Variants in PHF14 observed in about 807,000 individuals in gnomAD.
The protein encoded by PHF14 is PHD finger protein 14.
PHF14 carries 55 observed loss-of-function variants against 117.9 expected under a neutral mutation model. The ratio of observed to expected loss-of-function variants is 0.47; its 90% CI spans 0.38 to 0.58. PHF14 has a LOEUF of 0.58. Among genes scored for constraint, PHF14 ranks in the 20% least tolerant of loss-of-function variants. The pLI, the probability that PHF14 is intolerant of heterozygous loss-of-function variation, is 0.00. For missense variants in PHF14, 978 were observed against 1,122.2 expected, an observed-to-expected ratio of 0.87 and a Z score of 1.84; for synonymous variants, 409 against 368.6, an observed-to-expected ratio of 1.11 and a Z score of -1.26.
intron 17 of PHF14, among the ~76,000 whole-genome samples, chr7:11,132,465 A>G (rs1788117412): frequency 6.6e-6 from 1 of 151,702 alleles, no homozygotes; most frequent in Admixed American, 6.6e-5. Flanking sequence ...TCTCATTTAT[A>G]TACCACAATT....
intron 7 of PHF14, among the ~76,000 whole-genome samples, chr7:11,035,035 A>C (rs1784266552): frequency 6.6e-6 from 1 of 152,106 alleles, no homozygotes; most frequent in Non-Finnish European, 1.5e-5. Context: ...TGACTTTTTA[A>C]AAAAATACAG....
intron 6 of PHF14, among the ~76,000 whole-genome samples, chr7:11,023,978 G>A (rs1783824413): frequency 6.6e-6 from 1 of 152,194 alleles, no homozygotes; most frequent in South Asian, 2.1e-4. Flanking sequence ...AGCCTAGGTA[G>A]GCCAAAAGCT....
intron 4 of PHF14, among the ~76,000 whole-genome samples, chr7:11,003,634 C>T (rs1244944291): frequency 6.6e-6 from 1 of 152,146 alleles, no homozygotes; most frequent in African/African-American, 2.4e-5. Context: ...CATCCTTCTG[C>T]AGAAATTACC....
rs376626470 is a variant in PHF14, at chr7:11,028,743, A to C, written c.1380A>C (p.Ala460=). Residue 460 remains alanine (A), a synonymous_variant, in exon 7 of 18, where the codon GCA becomes GCC. Transcript: ENST00000634607. ...CTGGGGTTTGCATTAGCTGTGATGC[A>C]GGGATGTGCAGAGCCTATTTCCATG... is the stretch of plus-strand genomic sequence containing the variant. ...ARTGVCISCD[A]GMCRAYFHVT... 115 of 1,613,582 alleles carry C rather than the reference A, an allele frequency of 7.1e-5. No individual in the cohort carries two copies. In the African/African-American group the frequency reaches 1.4e-3, roughly 19 times the overall value.
At chr7:11,039,917 A>T (rs1422464896) in intron 11 of PHF14, among the ~76,000 whole-genome samples, 1 of 152,156 alleles carries the variant, frequency 6.6e-6, no homozygotes, top group African/African-American at 2.4e-5. Context: ...TGTTGAGTAT[A>T]AGGCTTTAGT....
At chr7:11,103,562 A>G in intron 16 of PHF14, 2 of 984,930 alleles carry the variant, frequency 2.0e-6, no homozygotes, top group East Asian at 1.1e-4. Flanking sequence ...GATTTAGAAG[A>G]GACTCTTTGC....
At chr7:11,006,853 C>T in intron 4 of PHF14, 1 of 634,714 alleles carries the variant, frequency 1.6e-6, no homozygotes, top group Admixed American at 1.9e-5. Flanking sequence ...GAGCTTCCTT[C>T]ACTTTCGGCA....
chr7:11,050,296 A>G (rs541176711), intron 13 of PHF14, among the ~76,000 whole-genome samples: 192 of 152,308 alleles, frequency 1.3e-3, no homozygotes, highest in Non-Finnish European at 2.3e-3. Flanking sequence ...ATATAAACAT[A>G]TAAACTAAAT....
rs749330063 is a variant in PHF14 at position 10,990,824 on chromosome 7, A to G, written c.1022A>G (p.Asn341Ser). The G allele has an allele frequency of 1.9e-6, 3 of 1,590,750 alleles. No individual in the cohort carries two copies. Among genetic ancestry groups the G allele is most frequent in the East Asian group, 2.3e-5 (1 of 44,340 alleles). Reference sequence around the variant, plus strand: ...GCTGATGAAATAATTCAGTGTGACAATTGTGGCATTACAGTCCATGAAGGT... The same window carrying G: ...GCTGATGAAATAATTCAGTGTGACAGTTGTGGCATTACAGTCCATGAAGGT... ...EDADEIIQCD[N>S]CGITVHEGCY... Residue 341 changes from asparagine (N) to serine (S), a missense_variant, in exon 4 of 18, where the codon AAT (asparagine) becomes AGT (serine). Physicochemically the swap from Asn to Ser is conservative, Grantham distance 46. This residue lies in a region of PHF14 where 86 missense variants were observed against 137.8 expected (regional missense o/e 0.62). Transcript: ENST00000634607.
rs1461088655 is a variant in PHF14 at position 11,130,312 on chromosome 7, C to G, written c.2772+18845C>G. 6.6e-6 allele frequency among the ~76,000 whole-genome samples: 1 copy of G among 152,008 alleles called. No homozygotes were observed. The highest frequency in any genetic ancestry group is 6.6e-5 in the Admixed American group (1 of 15,224). On this transcript the variant is annotated intron_variant, in intron 17 of 17. Coordinates refer to ENST00000634607, the MANE Select transcript of PHF14 (RefSeq NM_001007157.2). The surrounding 1 kb of genome is among the most constrained non-coding windows in gnomAD (Gnocchi z 4.2). ...AATGCTACCACCATATGCTACCATA[C>G]TTCCAAGACCTTTCTGGGATTCATT... is the stretch of plus-strand genomic sequence containing the variant.
intron 12 of PHF14, among the ~76,000 whole-genome samples, chr7:11,041,363 G>T (rs186537753): frequency 2.4e-4 from 37 of 151,702 alleles, no homozygotes; most frequent in Non-Finnish European, 4.4e-5. Context: ...AATAGGTTAC[G>T]ATCTCACTTT....
intron 4 of PHF14, chr7:11,006,737 G>C (rs1783117761): frequency 5.9e-6 from 4 of 680,508 alleles, no homozygotes; most frequent in South Asian, 5.4e-5. Flanking sequence ...GCTGCTGGAA[G>C]GTGGGTGACA....
intron 6 of PHF14, among the ~76,000 whole-genome samples, chr7:11,026,963 A>G (rs1783934983): frequency 6.6e-6 from 1 of 151,966 alleles, no homozygotes; most frequent in Admixed American, 6.6e-5. Flanking sequence ...TTGTCTACTC[A>G]TTTTCCAATC....
chr7:11,163,442 T>A (rs1459916686), intron 17 of PHF14, among the ~76,000 whole-genome samples: 1 of 152,194 alleles, frequency 6.6e-6, no homozygotes, highest in Non-Finnish European at 1.5e-5. Flanking sequence ...ATATGCAAAG[T>A]CAGGAAATCT....
chr7:11,022,937 A>G lies in PHF14; in HGVS notation c.1275A>G (p.Pro425=). The G allele has an allele frequency of 1.2e-6, 2 of 1,610,482 alleles. No homozygotes were observed. Among genetic ancestry groups the G allele is most frequent in the East Asian group, 4.5e-5 (2 of 44,804 alleles). ...TTGGAGATATTGACAAATTACGACC[A>G]GTAACACTAACGGAAATGAACTATT... ...VAFGDIDKLR[P]VTLTEMNYSK... is the part of the protein sequence containing the mutation. Residue 425 remains proline, a synonymous_variant, in exon 6 of 18, where the codon CCA becomes CCG. Transcript: ENST00000634607.
At chr7:11,122,331 T>TATATA (rs1787779306) in intron 17 of PHF14, among the ~76,000 whole-genome samples, 1 of 84,070 alleles carries the variant, frequency 1.2e-5, no homozygotes, top group African/African-American at 5.9e-5. Context: ...TTTGTACTTT[T>TATATA]TATATATATA....
chr7:11,033,928 T>C (rs1784217922), intron 7 of PHF14, among the ~76,000 whole-genome samples: 2 of 152,168 alleles, frequency 1.3e-5, no homozygotes, highest in South Asian at 4.1e-4. Context: ...TAAAGCTATA[T>C]GAAGTAATTG....
At chr7:11,103,962 T>G in intron 16 of PHF14, 1 of 984,748 alleles carries the variant, frequency 1.0e-6, no homozygotes, top group Non-Finnish European at 1.2e-6. Context: ...CTATATTAGC[T>G]TAAGGAAATG....
chr7:10,980,791 G>T (rs575500679), intron 2 of PHF14, among the ~76,000 whole-genome samples: 1 of 152,326 alleles, frequency 6.6e-6, no homozygotes, highest in Admixed American at 6.5e-5. Context: ...GGGGGTATTA[G>T]TGTAATATAT....
Sources: allele counts gnomAD v4.1 joint callset (sites outside exome capture counted in the v4.1 genomes callset), GRCh38; gene constraint gnomAD v4.1.1; regional missense constraint gnomAD v4.1.1; non-coding constraint Gnocchi (gnomAD v3.1); transcripts MANE v1.5; gene names NCBI Gene and HGNC (gene_info 2026-07-23, HGNC 2026-07-21).